FGF7: variants seen among roughly 807,000 people sequenced by gnomAD.
FGF7 encodes the protein fibroblast growth factor 7, also known as FGF-7.
FGF7 carries 6 observed loss-of-function variants against 20.5 expected under a neutral mutation model. The observed-to-expected ratio is 0.29, with a 90% CI of 0.16 to 0.58. The LOEUF (loss-of-function observed/expected upper bound fraction) is 0.58, where lower values mean the gene tolerates loss of function less well. Among genes scored for constraint, FGF7 ranks in the 20% least tolerant of loss-of-function variants. FGF7 has a pLI of 0.90. For synonymous variants in FGF7, 64 were observed against 74.7 expected (o/e 0.86, Z 0.74); for missense variants, 144 against 228.8 (o/e 0.63, Z 2.39).
At chr15:49,459,992 C>T (rs775660682) in intron 2 of FGF7, among the ~76,000 whole-genome samples, 3 of 152,072 alleles carry the variant, frequency 2.0e-5, no homozygotes, top group Admixed American at 6.6e-5. Flanking sequence ...TGTCTGTAGA[C>T]GAAATTTCCA....
At chr15:49,437,792 A>C (rs1236117028) in intron 2 of FGF7, among the ~76,000 whole-genome samples, 1 of 151,712 alleles carries the variant, frequency 6.6e-6, no homozygotes, top group Non-Finnish European at 1.5e-5. Flanking sequence ...AATTCAGCCT[A>C]TGTGTGGATA....
intron 2 of FGF7, among the ~76,000 whole-genome samples, chr15:49,465,256 A>G (rs2054160512): frequency 1.3e-5 from 2 of 151,596 alleles, no homozygotes; most frequent in African/African-American, 4.8e-5. Context: ...CAGCCTCCCA[A>G]GTAGGTGGGA....
chr15:49,432,368 T>A (rs2050693332), intron 2 of FGF7, among the ~76,000 whole-genome samples: 1 of 151,670 alleles, frequency 6.6e-6, no homozygotes, highest in Non-Finnish European at 1.5e-5. Context: ...AAATATTAGG[T>A]TAAATAAAAT....
intron 2 of FGF7, 156 bp downstream of exon 2, chr15:49,424,739 C>T (rs376912968): frequency 1.3e-5 from 7 of 542,698 alleles, no homozygotes; most frequent in Non-Finnish European, 6.2e-6. Context: ...GAACTATGCC[C>T]CTAAAAATAT....
intron 2 of FGF7, among the ~76,000 whole-genome samples, chr15:49,429,851 G>A (rs1468671111): frequency 1.3e-5 from 2 of 151,826 alleles, no homozygotes; most frequent in Non-Finnish European, 2.9e-5. Context: ...ATCTCACAAA[G>A]GTGGGAAGGA....
At chr15:49,478,591 A>G (rs2055585720) in intron 2 of FGF7, among the ~76,000 whole-genome samples, 1 of 152,102 alleles carries the variant, frequency 6.6e-6, no homozygotes. Flanking sequence ...TTAACATGCC[A>G]AAGAGGGTAT....
rs754546768 is a variant in FGF7, at chr15:49,423,275, C to CAA, written c.-431_-430insAA. Reference sequence around the variant, plus strand: ...ACACAAGCACACACGCGCTCACACACAGAGAGAAAATCCTTCTGCCTGTTG... The same window carrying CAA: ...ACACAAGCACACACGCGCTCACACACAAAGAGAGAAAATCCTTCTGCCTGTTG... On this transcript the variant is annotated 5_prime_UTR_variant, in exon 1 of 4. Coordinates refer to ENST00000267843, the MANE Select transcript of FGF7 (RefSeq NM_002009.4). The CAA allele has an allele frequency of 3.3e-5, 5 of 152,128 alleles. No homozygotes were observed. The highest frequency in any genetic ancestry group is 7.3e-5 in the Non-Finnish European group (5 of 68,056). The allele number at this position is 152,128 out of a possible 1,614,324, so 9.4% of individuals were successfully genotyped here.
intron 2 of FGF7, among the ~76,000 whole-genome samples, chr15:49,452,068 G>C (rs537851587): frequency 1.3e-5 from 2 of 151,482 alleles, no homozygotes; most frequent in Non-Finnish European, 2.9e-5. Context: ...TTGAGATAGA[G>C]TCTTGCTCTG....
intron 2 of FGF7, among the ~76,000 whole-genome samples, chr15:49,477,028 C>T (rs1462844191): frequency 6.6e-6 from 1 of 150,996 alleles, no homozygotes; most frequent in Non-Finnish European, 1.5e-5. Flanking sequence ...CCACTGCACT[C>T]CAGCCTGGGC....
chr15:49,438,628 A>C (rs1326402602), intron 2 of FGF7, among the ~76,000 whole-genome samples: 1 of 151,678 alleles, frequency 6.6e-6, no homozygotes, highest in Non-Finnish European at 1.5e-5. Flanking sequence ...AGGACAAGGA[A>C]ATAATACTGT....
chr15:49,423,444 A>G lies in FGF7; in HGVS notation c.-267+4A>G, dbSNP rs1295335505. 1 of 152,164 alleles carries G rather than the reference A, an allele frequency of 6.6e-6. No individual in the cohort carries two copies. The highest frequency in any genetic ancestry group is 2.4e-5 in the African/African-American group (1 of 41,442). 9.4% of individuals were successfully genotyped at this position (152,164 alleles called of 1,614,324 possible). The stretch of plus-strand genomic sequence containing the variant: ...CCAGCTGTTAGCAACAAAACAAGTA[A>G]GTTACTGTTATTTGTCTTTTAAAAC... On this transcript the variant is annotated splice_donor_region_variant and intron_variant, in intron 1 of 3. Transcript: ENST00000267843.
At chr15:49,471,649 A>C (rs2054781921) in intron 2 of FGF7, among the ~76,000 whole-genome samples, 1 of 152,088 alleles carries the variant, frequency 6.6e-6, no homozygotes. Flanking sequence ...TGATTTTCTA[A>C]TCAAGAATGG....
chr15:49,430,565 T>C (rs2050518372), intron 2 of FGF7, among the ~76,000 whole-genome samples: 2 of 151,814 alleles, frequency 1.3e-5, no homozygotes, highest in Admixed American at 6.6e-5. Flanking sequence ...GAAAAGAAAT[T>C]TATTCTTCAC....
intron 2 of FGF7, among the ~76,000 whole-genome samples, chr15:49,473,576 G>C (rs1033914527): frequency 6.6e-6 from 1 of 152,052 alleles, no homozygotes; most frequent in Non-Finnish European, 1.5e-5. Context: ...AATCATATTG[G>C]AGTTGGTCTC....
At position 49,483,143 on chromosome 15, in the gene FGF7, C is replaced by G. The variant is rs763248297; in HGVS notation, c.287-8C>G. ...ATATTTGACATGTCTTTCTGTGATT[C>G]CTTGCAGATATCATGGAAATCAGGA... On this transcript the variant is annotated splice_polypyrimidine_tract_variant and splice_region_variant and intron_variant, in intron 2 of 3. Transcript: ENST00000267843. The G allele has an allele frequency of 1.6e-5, 23 of 1,458,292 alleles. No homozygotes were observed. The highest frequency in any genetic ancestry group is 2.1e-5 in the Non-Finnish European group (22 of 1,053,978). 90.3% of individuals were successfully genotyped at this position (1,458,292 alleles called of 1,614,324 possible).
At chr15:49,476,100 C>A (rs1195030348) in intron 2 of FGF7, among the ~76,000 whole-genome samples, 1 of 152,028 alleles carries the variant, frequency 6.6e-6, no homozygotes, top group African/African-American at 2.4e-5. Context: ...ATCTTTTCTA[C>A]CTATGTCAAC....
intron 2 of FGF7, among the ~76,000 whole-genome samples, chr15:49,435,826 G>T (rs1195392862): frequency 6.6e-6 from 1 of 151,546 alleles, no homozygotes; most frequent in African/African-American, 2.4e-5. Flanking sequence ...CTGTATAGAA[G>T]TAAATCTGTT....
chr15:49,463,444 C>T (rs1243451020), intron 2 of FGF7, among the ~76,000 whole-genome samples: 1 of 151,182 alleles, frequency 6.6e-6, no homozygotes, highest in Non-Finnish European at 1.5e-5. Context: ...ATCCCAGCTA[C>T]TTGGGAGGCC....
intron 2 of FGF7, among the ~76,000 whole-genome samples, chr15:49,432,971 T>C (rs1348363043): frequency 6.6e-6 from 1 of 151,684 alleles, no homozygotes; most frequent in African/African-American, 2.4e-5. Context: ...GAAAAATTCT[T>C]ACTGTATATA....
Sources: allele counts gnomAD v4.1 joint callset (sites outside exome capture counted in the v4.1 genomes callset), GRCh38; gene constraint gnomAD v4.1.1; transcripts MANE v1.5; gene names NCBI Gene and HGNC (gene_info 2026-07-23, HGNC 2026-07-21).